The following TDRD3 variants were observed in gnomAD, a reference collection of about 807,000 sequenced individuals.
The protein encoded by TDRD3 is tudor domain containing 3, also known as tudor domain-containing protein 3.
In TDRD3, 45 loss-of-function variants were observed where a neutral mutation model predicts 86.7. The ratio of observed to expected loss-of-function variants is 0.52; its 90% CI spans 0.41 to 0.67. The LOEUF (loss-of-function observed/expected upper bound fraction) is 0.67, where lower values mean the gene tolerates loss of function less well. TDRD3 is among the 30% of genes least tolerant of loss of function. The pLI, the probability that TDRD3 is intolerant of heterozygous loss-of-function variation, is 0.00. For missense variants in TDRD3, 814 were observed against 889.0 expected, an observed-to-expected ratio of 0.92 and a Z score of 1.07; for synonymous variants, 298 against 301.7, an observed-to-expected ratio of 0.99 and a Z score of 0.13.
intron 8 of TDRD3, among the ~76,000 whole-genome samples, chr13:60,507,430 A>G (rs1446432121): frequency 1.3e-5 from 2 of 152,190 alleles, no homozygotes; most frequent in Admixed American, 1.3e-4. Flanking sequence ...AAAATTGACC[A>G]CATAATTGGA....
At position 60,488,887 on chromosome 13, in the gene TDRD3, A is replaced by AT. The variant is rs1458483786; in HGVS notation, c.717+2945dup. 2.0e-5 allele frequency among the ~76,000 whole-genome samples: 3 copies of AT among 151,772 alleles called. No individual in the cohort carries two copies. In the East Asian group the frequency reaches 5.8e-4, roughly 29 times the overall value. ...TGAGCTACCATGCCTGGCCGGGTTT[A>AT]TTTTTTGTTTTGTTTAGTTTTGTTT... is the stretch of plus-strand genomic sequence containing the variant. On this transcript the variant is annotated intron_variant, in intron 7 of 13. Coordinates refer to ENST00000377881, the MANE Select transcript of TDRD3 (RefSeq NM_001146070.2).
intron 7 of TDRD3, among the ~76,000 whole-genome samples, 196 bp from the exon 8 acceptor site, chr13:60,494,239 C>T (rs1051873594): frequency 1.3e-5 from 2 of 152,064 alleles, no homozygotes; most frequent in Non-Finnish European, 2.9e-5. Context: ...ATTGCCTGGC[C>T]TGGATTTGTG....
intron 5 of TDRD3, among the ~76,000 whole-genome samples, chr13:60,470,707 C>T (rs1270152633): frequency 5.3e-5 from 8 of 151,428 alleles, no homozygotes; most frequent in Admixed American, 2.0e-4. Context: ...CTCAGCCTCC[C>T]GAGTAGCTGG....
intron 5 of TDRD3, among the ~76,000 whole-genome samples, chr13:60,482,229 A>C (rs1054693114): frequency 2.0e-5 from 3 of 152,160 alleles, no homozygotes; most frequent in Non-Finnish European, 4.4e-5. Context: ...TTCCAGTTGC[A>C]TCAGCCTGCT....
intron 6 of TDRD3, chr13:60,484,590 G>A (rs7329723): frequency 0.48 from 186,528 of 388,054 alleles, 46,082 homozygotes; most frequent in South Asian, 0.56. Flanking sequence ...CACCCTCTCT[G>A]AAAGCCTTTT....
At chr13:60,494,868 G>T (rs916581363) in intron 8 of TDRD3, among the ~76,000 whole-genome samples, 13 of 152,118 alleles carry the variant, frequency 8.5e-5, no homozygotes, top group African/African-American at 2.9e-4. Flanking sequence ...ATTTTTCTGT[G>T]CTTCCCCACC....
At chr13:60,428,603 G>T (rs1485971399) in intron 1 of TDRD3, among the ~76,000 whole-genome samples, 1 of 152,002 alleles carries the variant, frequency 6.6e-6, no homozygotes, top group Non-Finnish European at 1.5e-5. Flanking sequence ...TCTTCACAGA[G>T]GAAAGGGAGA....
In TDRD3 at chr13:60,543,814, T is replaced by G. The variant is rs114264391; in HGVS notation, c.2118+8581T>G. ...ACTTGTGTCATTAGTAATACTATTT[T>G]ATTGCATACAAATATTTTATTTTAC... On this transcript the variant is annotated intron_variant, in intron 12 of 13. Transcript: ENST00000377881. 6.8e-3 allele frequency among the ~76,000 whole-genome samples: 1,037 copies of G among 152,210 alleles called. 7 individuals are homozygous for G. Among genetic ancestry groups the G allele is most frequent in the African/African-American group, 0.023 (959 of 41,568 alleles).
At chr13:60,571,270 A>G (rs756165400) in intron 13 of TDRD3, among the ~76,000 whole-genome samples, 17 of 152,242 alleles carry the variant, frequency 1.1e-4, no homozygotes, top group Admixed American at 3.3e-4. Flanking sequence ...TCTCTTTGAC[A>G]TACTATCTTT....
intron 9 of TDRD3, among the ~76,000 whole-genome samples, chr13:60,510,324 T>C (rs1957029017): frequency 1.3e-5 from 2 of 152,164 alleles, no homozygotes; most frequent in South Asian, 4.1e-4. Context: ...GTTTCTTATG[T>C]GGTCCCAGTC....
chr13:60,416,777 A>G (rs1308027427), intron 1 of TDRD3, among the ~76,000 whole-genome samples: 1 of 152,134 alleles, frequency 6.6e-6, no homozygotes, highest in African/African-American at 2.4e-5. Context: ...GTTTATGTCT[A>G]TCTTGGAATT....
intron 9 of TDRD3, 119 bp from the exon 10 acceptor site, chr13:60,510,511 C>CA: frequency 9.0e-7 from 1 of 1,106,668 alleles, no homozygotes; most frequent in Non-Finnish European, 1.2e-6. Flanking sequence ...GTAGACTATA[C>CA]AAAAAATATG....
chr13:60,531,841 A>G (rs1293590501), intron 11 of TDRD3, among the ~76,000 whole-genome samples: 1 of 152,206 alleles, frequency 6.6e-6, no homozygotes, highest in Non-Finnish European at 1.5e-5. Flanking sequence ...AAAAAAAACA[A>G]AGAATGAATG....
chr13:60,463,148 G>A (rs2138063677), intron 4 of TDRD3, among the ~76,000 whole-genome samples: 1 of 152,194 alleles, frequency 6.6e-6, no homozygotes, highest in South Asian at 2.1e-4. Flanking sequence ...TGTAATCCCA[G>A]CACTTTGGGA....
chr13:60,428,165 T>C (rs1437764702), intron 1 of TDRD3, among the ~76,000 whole-genome samples: 1 of 151,522 alleles, frequency 6.6e-6, no homozygotes, highest in Non-Finnish European at 1.5e-5. Flanking sequence ...TGTGTTTATT[T>C]TTAAACTCCC....
intron 9 of TDRD3, among the ~76,000 whole-genome samples, chr13:60,510,307 TG>T (rs1281680498): frequency 6.6e-6 from 1 of 152,178 alleles, no homozygotes; most frequent in Non-Finnish European, 1.5e-5. Context: ...AATCATTGCA[TG>T]GTCAAGTTTC....
intron 1 of TDRD3, among the ~76,000 whole-genome samples, chr13:60,427,401 CT>C (rs200659190): frequency 3.8e-4 from 57 of 151,340 alleles, no homozygotes; most frequent in African/African-American, 1.2e-3. Context: ...ATTAAAGGTA[CT>C]TTTTTTTTGT....
intron 10 of TDRD3, among the ~76,000 whole-genome samples, chr13:60,515,576 A>C (rs1342219023): frequency 6.6e-6 from 1 of 152,186 alleles, no homozygotes; most frequent in East Asian, 1.9e-4. Context: ...GATTGATGGG[A>C]AAGCTGTGTG....
At chr13:60,550,707 G>A (rs534003718) in intron 12 of TDRD3, among the ~76,000 whole-genome samples, 1 of 152,000 alleles carries the variant, frequency 6.6e-6, no homozygotes, top group Non-Finnish European at 1.5e-5. Flanking sequence ...AGCTAGTTTC[G>A]CATTTTGTGT....
Sources: allele counts gnomAD v4.1 joint callset (sites outside exome capture counted in the v4.1 genomes callset), GRCh38; gene constraint gnomAD v4.1.1; transcripts MANE v1.5; gene names NCBI Gene and HGNC (gene_info 2026-07-23, HGNC 2026-07-21).